Variants in WASF3 observed in about 807,000 individuals in gnomAD.
The protein encoded by WASF3 is WASP family member 3.
In WASF3, 11 loss-of-function variants were observed where a neutral mutation model predicts 46.6. The observed-to-expected ratio is 0.24, with a 90% CI of 0.15 to 0.39. The LOEUF (loss-of-function observed/expected upper bound fraction) is 0.39, where lower values mean the gene tolerates loss of function less well. Among genes scored for constraint, WASF3 ranks in the 10% least tolerant of loss-of-function variants. The pLI is 1.00. For synonymous variants in WASF3, 242 were observed against 259.7 expected (o/e 0.93, Z 0.65); for missense variants, 576 against 669.8 (o/e 0.86, Z 1.55).
intron 1 of WASF3, among the ~76,000 whole-genome samples, chr13:26,584,720 A>C (rs1880080462): frequency 1.3e-5 from 2 of 152,212 alleles, no homozygotes; most frequent in Non-Finnish European, 2.9e-5. Context: ...CATGCAGCAA[A>C]GAAAGGATGT....
chr13:26,681,348 C>A, intron 8 of WASF3, 28 bp downstream of exon 8: 1 of 1,519,972 alleles, frequency 6.6e-7, no homozygotes, highest in South Asian at 1.3e-5. Context: ...GTACCCTAAT[C>A]CCTCCTGGCC....
intron 7 of WASF3, among the ~76,000 whole-genome samples, chr13:26,677,138 C>CT (rs1883090877): frequency 6.6e-6 from 1 of 152,114 alleles, no homozygotes. Flanking sequence ...TAAGGAGTAC[C>CT]TTCATTGTTC....
intron 1 of WASF3, among the ~76,000 whole-genome samples, chr13:26,569,676 TA>T (rs1879575273): frequency 6.6e-6 from 1 of 152,136 alleles, no homozygotes. Flanking sequence ...AACAGCATAC[TA>T]AACCCAGAGG....
intron 1 of WASF3, among the ~76,000 whole-genome samples, chr13:26,597,559 G>A (rs1880508408): frequency 1.3e-5 from 2 of 151,930 alleles, no homozygotes; most frequent in East Asian, 3.9e-4. Flanking sequence ...GTATATATGT[G>A]CCATGTTGGT....
At chr13:26,668,687 T>C (rs1473051656) in intron 5 of WASF3, among the ~76,000 whole-genome samples, 1 of 152,202 alleles carries the variant, frequency 6.6e-6, no homozygotes, top group Non-Finnish European at 1.5e-5. Context: ...GCTAGGAAAG[T>C]GCAGTTCAAA....
chr13:26,605,247 CTA>C (rs1305897621), intron 1 of WASF3, among the ~76,000 whole-genome samples: 1 of 152,196 alleles, frequency 6.6e-6, no homozygotes, highest in Non-Finnish European at 1.5e-5. Context: ...TTACTTGGTT[CTA>C]GTCAGCAGTC....
intron 1 of WASF3, among the ~76,000 whole-genome samples, chr13:26,572,175 A>G (rs534396347): frequency 1.1e-4 from 16 of 152,202 alleles, no homozygotes; most frequent in Admixed American, 1.0e-3. Context: ...TGTGCCTTTA[A>G]TTGTTTTCTG....
chr13:26,557,910 GC>G, intron 1 of WASF3, 91 bp downstream of exon 1: 1 of 275,234 alleles, frequency 3.6e-6, no homozygotes, highest in Non-Finnish European at 6.8e-6. Context: ...GGGAGGGGCG[GC>G]CCCACGGCGA....
intron 3 of WASF3, among the ~76,000 whole-genome samples, chr13:26,664,370 GATA>G (rs957146497): frequency 6.6e-6 from 1 of 152,176 alleles, no homozygotes; most frequent in African/African-American, 2.4e-5. Flanking sequence ...AGTGTAAGCA[GATA>G]ATGATTCTTA....
chr13:26,682,649 ACCACCTCCTCCG>A lies in WASF3; in HGVS notation c.1038_1049del (p.Pro347_Pro350del), dbSNP rs746918225. The A allele has an allele frequency of 7.4e-6, 12 of 1,613,918 alleles. No individual in the cohort carries two copies. The highest frequency in any genetic ancestry group is 9.3e-6 in the Non-Finnish European group (11 of 1,180,014). Reference sequence around the variant, plus strand: ...TAATTGAGTATTACAACCCATCCGGACCACCTCCTCCGCCACCTCCTCCTGTGATTCCCTCAG... The same window carrying A: ...TAATTGAGTATTACAACCCATCCGGACCACCTCCTCCTGTGATTCCCTCAG... On this transcript the variant is annotated inframe_deletion, in exon 9 of 10. Coordinates refer to ENST00000335327, the MANE Select transcript of WASF3 (RefSeq NM_006646.6). This position sits in a 1 kb window ranked among gnomAD's most constrained non-coding sequence, Gnocchi z 4.4.
At chr13:26,607,453 T>C (rs1215604490) in intron 1 of WASF3, among the ~76,000 whole-genome samples, 6 of 152,082 alleles carry the variant, frequency 3.9e-5, no homozygotes, top group African/African-American at 1.4e-4. Flanking sequence ...AAAGCAGAAA[T>C]AAAGAATGAA....
At chr13:26,555,742 T>C (rs1208858267), upstream of WASF3, among the ~76,000 whole-genome samples, 2 of 152,204 alleles carry the variant, frequency 1.3e-5, no homozygotes, top group African/African-American at 2.4e-5. Context: ...AGAAGAGATA[T>C]TACAGAAGCC....
At chr13:26,608,682 G>A (rs553173162) in intron 1 of WASF3, among the ~76,000 whole-genome samples, 35 of 152,148 alleles carry the variant, frequency 2.3e-4, no homozygotes, top group South Asian at 2.1e-4. Context: ...GTGCGGAACC[G>A]TTGTAGCAAT....
intron 1 of WASF3, among the ~76,000 whole-genome samples, chr13:26,586,149 T>C (rs1165796580): frequency 6.6e-6 from 1 of 152,196 alleles, no homozygotes; most frequent in Non-Finnish European, 1.5e-5. Context: ...TAATATTTGA[T>C]TTTTTTCAAG....
At chr13:26,684,698 T>A (rs1426759982) in intron 9 of WASF3, among the ~76,000 whole-genome samples, 3 of 152,140 alleles carry the variant, frequency 2.0e-5, no homozygotes, top group African/African-American at 7.2e-5. Context: ...TGCCATTCAC[T>A]CTCAAATGGT....
At chr13:26,629,969 G>A (rs1312933905) in intron 2 of WASF3, among the ~76,000 whole-genome samples, 1 of 151,312 alleles carries the variant, frequency 6.6e-6, no homozygotes, top group Non-Finnish European at 1.5e-5. Context: ...ATATTGTCCT[G>A]TTTTCCTTAT....
At chr13:26,648,064 G>C (rs938805764) in intron 3 of WASF3, among the ~76,000 whole-genome samples, 1 of 151,902 alleles carries the variant, frequency 6.6e-6, no homozygotes, top group Non-Finnish European at 1.5e-5. Context: ...TTATTTGTGG[G>C]GGAACGCTAT....
chr13:26,642,415 T>G lies in WASF3; in HGVS notation c.133+12T>G, dbSNP rs905885887. ...GCTGAGCAGTCTGAGTAAGCCATCT[T>G]TTTTCTGATTACCAATGACATTAAC... is the stretch of plus-strand genomic sequence containing the variant. On this transcript the variant is annotated intron_variant, in intron 3 of 9. Coordinates refer to ENST00000335327, the MANE Select transcript of WASF3 (RefSeq NM_006646.6). 6.4e-7 allele frequency: 1 copy of G among 1,570,396 alleles called. No individual in the cohort carries two copies. The highest frequency in any genetic ancestry group is 8.6e-7 in the Non-Finnish European group (1 of 1,165,384).
At chr13:26,596,952 T>A (rs1480364258) in intron 1 of WASF3, among the ~76,000 whole-genome samples, 1 of 152,212 alleles carries the variant, frequency 6.6e-6, no homozygotes, top group African/African-American at 2.4e-5. Context: ...TTTGTTATTT[T>A]ACTCTGATGA....
Sources: allele counts gnomAD v4.1 joint callset (sites outside exome capture counted in the v4.1 genomes callset), GRCh38; gene constraint gnomAD v4.1.1; non-coding constraint Gnocchi (gnomAD v3.1); transcripts MANE v1.5; gene names NCBI Gene and HGNC (gene_info 2026-07-23, HGNC 2026-07-21).